The following NEBL variants were observed in gnomAD, a reference collection of about 807,000 sequenced individuals.
NEBL encodes LIM and SH3 protein 2.
NEBL carries 122 observed loss-of-function variants against 140.2 expected under a neutral mutation model. The ratio of observed to expected loss-of-function variants is 0.87; its 90% CI spans 0.75 to 1.01. The LOEUF (loss-of-function observed/expected upper bound fraction) is 1.01. Ranked by LOEUF, NEBL falls within the 50% of genes least tolerant of loss-of-function variation. NEBL has a pLI of 0.00. For missense variants in NEBL, 1,365 were observed against 1,231.3 expected (o/e 1.11, Z -1.62); for synonymous variants, 436 against 398.9 (o/e 1.09, Z -1.11).
At chr10:21,151,255 C>T (rs1840123950) in intron 2 of NEBL, among the ~76,000 whole-genome samples, 2 of 152,214 alleles carry the variant, frequency 1.3e-5, no homozygotes, top group Admixed American at 6.5e-5. Context: ...AGTCAACAGT[C>T]ATGACTTTGT....
intron 4 of NEBL, among the ~76,000 whole-genome samples, chr10:20,903,491 A>G (rs540775220): frequency 1.2e-4 from 18 of 152,298 alleles, no homozygotes; most frequent in African/African-American, 3.4e-4. Flanking sequence ...GAGCTACCAT[A>G]GGATTCAGCA....
At chr10:21,205,156 G>T (rs1841806634) in intron 3 of NEBL, among the ~76,000 whole-genome samples, 1 of 152,128 alleles carries the variant, frequency 6.6e-6, no homozygotes, top group African/African-American at 2.4e-5. Context: ...AACAATAAAG[G>T]TGTCTAATTC....
At chr10:21,045,364 C>T (rs1050451301) in intron 2 of NEBL, among the ~76,000 whole-genome samples, 8 of 152,124 alleles carry the variant, frequency 5.3e-5, no homozygotes, top group East Asian at 1.9e-4. Context: ...ATCTCAATCT[C>T]GCGATACTAA....
chr10:20,901,648 T>C (rs1020621573), upstream of NEBL, among the ~76,000 whole-genome samples: 2 of 152,240 alleles, frequency 1.3e-5, no homozygotes, highest in Non-Finnish European at 2.9e-5. Context: ...TTTCTTATTA[T>C]AAAATATTCA....
intron 3 of NEBL, among the ~76,000 whole-genome samples, chr10:21,245,263 C>A (rs1842501248): frequency 6.6e-6 from 1 of 152,196 alleles, no homozygotes; most frequent in South Asian, 2.1e-4. Flanking sequence ...GAGCAGAAAT[C>A]TTAAACACCT....
At chr10:20,952,530 G>C (rs1343791279) in intron 4 of NEBL, among the ~76,000 whole-genome samples, 1 of 151,822 alleles carries the variant, frequency 6.6e-6, no homozygotes, top group African/African-American at 2.4e-5. Context: ...TTGAAAATAG[G>C]GAAAAGTTTA....
intron 2 of NEBL, among the ~76,000 whole-genome samples, chr10:20,892,585 CAAAAGACA>C (rs902946622): frequency 6.6e-6 from 1 of 152,080 alleles, no homozygotes; most frequent in Non-Finnish European, 1.5e-5. Flanking sequence ...AACCCAACAC[CAAAAGACA>C]AAAAGGGCAA....
At chr10:20,827,574 TAGAAC>T (rs1839994511) in intron 17 of NEBL, among the ~76,000 whole-genome samples, 3 of 152,236 alleles carry the variant, frequency 2.0e-5, no homozygotes, top group African/African-American at 7.2e-5. Flanking sequence ...TTTACAATTT[TAGAAC>T]AGAAGTCAAG....
chr10:20,949,246 C>T (rs1028636108), intron 4 of NEBL, among the ~76,000 whole-genome samples: 13 of 152,012 alleles, frequency 8.6e-5, no homozygotes, highest in Admixed American at 7.2e-4. Context: ...AGTCATACAA[C>T]GAGAACACAC....
At chr10:20,798,209 A>G (rs1836763723) in intron 26 of NEBL, among the ~76,000 whole-genome samples, 1 of 152,210 alleles carries the variant, frequency 6.6e-6, no homozygotes, top group Non-Finnish European at 1.5e-5. Context: ...GATAAAGTAC[A>G]TGACAAAGAG....
intron 11 of NEBL, among the ~76,000 whole-genome samples, chr10:20,846,272 T>C (rs564065350): frequency 6.6e-6 from 1 of 152,132 alleles, no homozygotes; most frequent in Non-Finnish European, 1.5e-5. Context: ...TTTGTTCAAA[T>C]TGCATCCCTG....
chr10:21,029,927 C>G, intron 2 of NEBL: 1 of 587,894 alleles, frequency 1.7e-6, no homozygotes, highest in South Asian at 1.8e-5. Flanking sequence ...GATGATGGGT[C>G]GTGCAGCTCC....
chr10:21,031,267 A>C (rs937588369), intron 2 of NEBL, among the ~76,000 whole-genome samples: 1 of 152,210 alleles, frequency 6.6e-6, no homozygotes, highest in Non-Finnish European at 1.5e-5. Context: ...CCTGCTCACC[A>C]TGAGAAAGCT....
rs562561902 is a variant in NEBL, at chr10:21,056,728, T to C, written c.165-36527A>G. Among the ~76,000 whole-genome samples, 3 of 152,350 alleles carry C rather than the reference T, an allele frequency of 2.0e-5. No homozygotes were observed. In the South Asian group the frequency reaches 6.2e-4, roughly 32 times the overall value. On this transcript the variant is annotated intron_variant, in intron 2 of 6. Coordinates refer to the NEBL transcript ENST00000417816. Reference sequence around the variant, plus strand: ...GTGATGGATTGCAACATTAAAGCTGTATGGATGCATCTCAAAAGCAAAATA... The same window carrying C: ...GTGATGGATTGCAACATTAAAGCTGCATGGATGCATCTCAAAAGCAAAATA...
intron 4 of NEBL, among the ~76,000 whole-genome samples, chr10:20,916,252 T>C (rs1848551024): frequency 6.6e-6 from 1 of 152,124 alleles, no homozygotes; most frequent in Non-Finnish European, 1.5e-5. Context: ...AAAACAACTA[T>C]ACCTGAGAAA....
chr10:21,026,062 CT>C (rs1416163704), intron 2 of NEBL, among the ~76,000 whole-genome samples: 1 of 152,132 alleles, frequency 6.6e-6, no homozygotes, highest in Non-Finnish European at 1.5e-5. Context: ...GAAGTTGCTG[CT>C]GGAATCACAT....
chr10:20,959,257 C>T (rs1226203437), intron 4 of NEBL, among the ~76,000 whole-genome samples: 1 of 152,128 alleles, frequency 6.6e-6, no homozygotes. Context: ...GCAAGACTCA[C>T]AAATTTCATA....
At chr10:21,282,243 G>A (rs1481129212) in intron 1 of NEBL, among the ~76,000 whole-genome samples, 2 of 152,202 alleles carry the variant, frequency 1.3e-5, no homozygotes, top group Non-Finnish European at 2.9e-5. Flanking sequence ...GCTGTGAATG[G>A]ATGAGCTCTC....
At chr10:20,915,171 T>C (rs1391759537) in intron 4 of NEBL, among the ~76,000 whole-genome samples, 1 of 152,082 alleles carries the variant, frequency 6.6e-6, no homozygotes, top group Non-Finnish European at 1.5e-5. Context: ...TGAAAATAAA[T>C]GAACCCATCA....
Sources: allele counts gnomAD v4.1 joint callset (sites outside exome capture counted in the v4.1 genomes callset), GRCh38; gene constraint gnomAD v4.1.1; transcripts MANE v1.5; gene names NCBI Gene and HGNC (gene_info 2026-07-23, HGNC 2026-07-21).